The following NCAM2 variants were observed in gnomAD, a reference collection of about 807,000 sequenced individuals.
The protein encoded by NCAM2 is N-CAM-2.
Under a neutral mutation model 98.1 loss-of-function variants are expected in NCAM2, and 30 were observed. That is an observed-to-expected ratio of 0.31 (90% CI 0.23 to 0.41). NCAM2 has a LOEUF of 0.41. NCAM2 is among the 10% of genes least tolerant of loss of function. The probability of loss-of-function intolerance (pLI) is 1.00; values close to 1 mark genes in which losing one functional copy is unlikely to be tolerated. For synonymous variants in NCAM2, 368 were observed against 342.4 expected (o/e 1.07, Z -0.83); for missense variants, 867 against 1,005.8 (o/e 0.86, Z 1.87).
At chr21:21,419,770 C>T (rs1047272158) in intron 11 of NCAM2, among the ~76,000 whole-genome samples, 2 of 152,000 alleles carry the variant, frequency 1.3e-5, no homozygotes, top group Non-Finnish European at 2.9e-5. Context: ...TTGCTGGACA[C>T]TTGGGTTGGT....
intron 1 of NCAM2, among the ~76,000 whole-genome samples, chr21:21,003,741 T>C (rs529677710): frequency 7.6e-4 from 116 of 152,322 alleles, no homozygotes; most frequent in African/African-American, 2.7e-3. Context: ...ACTTAAGTTA[T>C]TGATAAGGGC....
intron 5 of NCAM2, among the ~76,000 whole-genome samples, chr21:21,295,970 C>T (rs994446954): frequency 1.3e-5 from 2 of 151,772 alleles, no homozygotes; most frequent in South Asian, 2.1e-4. Flanking sequence ...AAATTTTTGT[C>T]ACCTTATTGA....
chr21:21,474,978 C>CTA (rs1984971157), intron 14 of NCAM2, among the ~76,000 whole-genome samples: 1 of 149,600 alleles, frequency 6.7e-6, no homozygotes, highest in African/African-American at 2.5e-5. Flanking sequence ...CTATGTAGGT[C>CTA]TATATATATA....
chr21:21,219,613 G>A (rs1434305479), intron 1 of NCAM2, among the ~76,000 whole-genome samples: 1 of 152,172 alleles, frequency 6.6e-6, no homozygotes, highest in African/African-American at 2.4e-5. Context: ...ATACTGCATA[G>A]TACTTGATAT....
intron 1 of NCAM2, among the ~76,000 whole-genome samples, chr21:21,096,654 G>T (rs998207177): frequency 2.0e-5 from 3 of 151,488 alleles, no homozygotes; most frequent in African/African-American, 7.3e-5. Flanking sequence ...TTGTTCGATG[G>T]TTATGTATCT....
intron 1 of NCAM2, among the ~76,000 whole-genome samples, chr21:21,196,926 C>T (rs926353842): frequency 2.6e-5 from 4 of 152,026 alleles, no homozygotes; most frequent in African/African-American, 7.2e-5. Flanking sequence ...TGGGAGATCT[C>T]GTTGTTTAAA....
chr21:21,306,142 T>TA (rs1053900627), intron 5 of NCAM2, among the ~76,000 whole-genome samples: 1 of 152,162 alleles, frequency 6.6e-6, no homozygotes, highest in Non-Finnish European at 1.5e-5. Flanking sequence ...CTGATGCACT[T>TA]AAAAAGAATG....
chr21:21,171,687 G>T (rs1436555658), intron 1 of NCAM2, among the ~76,000 whole-genome samples: 1 of 152,140 alleles, frequency 6.6e-6, no homozygotes, highest in African/African-American at 2.4e-5. Flanking sequence ...TGACAAGATT[G>T]GTGGGCAAAG....
chr21:21,403,159 AT>A (rs755559693), intron 9 of NCAM2, among the ~76,000 whole-genome samples: 4 of 151,816 alleles, frequency 2.6e-5, no homozygotes, highest in Non-Finnish European at 4.4e-5. Flanking sequence ...TTTTTTTGCT[AT>A]TGAATTTTCT....
chr21:21,283,204 T>C (rs1175796254), intron 2 of NCAM2, among the ~76,000 whole-genome samples: 1 of 151,978 alleles, frequency 6.6e-6, no homozygotes, highest in Non-Finnish European at 1.5e-5. Flanking sequence ...TAATTTCTTA[T>C]AGAAAGGAGG....
chr21:21,215,289 G>T (rs1379908948), intron 1 of NCAM2, among the ~76,000 whole-genome samples: 1 of 152,112 alleles, frequency 6.6e-6, no homozygotes, highest in African/African-American at 2.4e-5. Flanking sequence ...AATGCTGTAT[G>T]GAACACAGTC....
intron 1 of NCAM2, among the ~76,000 whole-genome samples, chr21:21,080,505 A>G (rs1033729796): frequency 9.9e-5 from 15 of 151,852 alleles, no homozygotes; most frequent in African/African-American, 3.6e-4. Flanking sequence ...AATCCCAGCT[A>G]CTTGGGAAGC....
chr21:21,344,177 A>G (rs1273044718), intron 8 of NCAM2, among the ~76,000 whole-genome samples: 1 of 152,200 alleles, frequency 6.6e-6, no homozygotes, highest in Non-Finnish European at 1.5e-5. Flanking sequence ...GAAAGGACCC[A>G]GTCCTGGCAG....
intron 1 of NCAM2, among the ~76,000 whole-genome samples, chr21:21,187,408 T>G (rs2826725): frequency 0.32 from 48,048 of 151,782 alleles, 8,832 homozygotes; most frequent in Non-Finnish European, 0.43. Context: ...CTGGTGAGTT[T>G]TAGCCTCCAA....
chr21:21,529,210 C>CTATA (rs1474688612), intron 16 of NCAM2, among the ~76,000 whole-genome samples: 2 of 151,978 alleles, frequency 1.3e-5, no homozygotes, highest in African/African-American at 4.8e-5. Flanking sequence ...TGAATACCCG[C>CTATA]TCCTCAATTT....
chr21:21,372,682 A>G (rs1421902391), intron 8 of NCAM2, among the ~76,000 whole-genome samples: 1 of 151,884 alleles, frequency 6.6e-6, no homozygotes, highest in Non-Finnish European at 1.5e-5. Flanking sequence ...GTGCATCATT[A>G]CAGAGCCAGT....
At position 21,534,647 on chromosome 21, in the gene NCAM2, C is replaced by A; in HGVS notation, c.2393C>A (p.Thr798Lys). The A allele has an allele frequency of 6.2e-7, 1 of 1,608,714 alleles. No individual in the cohort carries two copies. Among genetic ancestry groups the A allele is most frequent in the Non-Finnish European group, 8.5e-7 (1 of 1,177,668 alleles). ...GAGCCAAATGAAACCACACCACTGA[C>A]AGAACCTGAGTATGTGGCTTGGAGT... ...VNEPNETTPL[T>K]EPEKLPLKEE... The change falls in exon 17 of 18, where the codon ACA becomes AAA. Residue 798 changes from threonine (T) to lysine (K), a missense_variant. Around this residue, in one of 5 missense-constraint regions of NCAM2, gnomAD observed 125 missense variants for 116.1 expected, o/e 1.08. Coordinates refer to ENST00000400546, the MANE Select transcript of NCAM2 (RefSeq NM_004540.5).
At position 21,538,428 on chromosome 21, in the gene NCAM2, T is replaced by G. The variant is rs1471308867; in HGVS notation, c.*471T>G. 1 of 152,612 alleles carries G rather than the reference T, an allele frequency of 6.6e-6. No individual in the cohort carries two copies. Among genetic ancestry groups the G allele is most frequent in the Non-Finnish European group, 1.5e-5 (1 of 68,038 alleles). 9.5% of individuals were successfully genotyped at this position (152,612 alleles called of 1,614,324 possible). On this transcript the variant is annotated 3_prime_UTR_variant, in exon 18 of 18. Coordinates refer to ENST00000400546, the MANE Select transcript of NCAM2 (RefSeq NM_004540.5). ...TCAAGATGAAGGAGCTTAATAATGG[T>G]TACTCATTTTATCAGGGGAATTTCA...
At chr21:21,375,797 G>A (rs983932340) in intron 9 of NCAM2, among the ~76,000 whole-genome samples, 2 of 150,242 alleles carry the variant, frequency 1.3e-5, no homozygotes, top group African/African-American at 4.9e-5. Context: ...AGACCTCCTG[G>A]CCTCTTCCAC....
Sources: allele counts gnomAD v4.1 joint callset (sites outside exome capture counted in the v4.1 genomes callset), GRCh38; gene constraint gnomAD v4.1.1; regional missense constraint gnomAD v4.1.1; transcripts MANE v1.5; gene names NCBI Gene and HGNC (gene_info 2026-07-23, HGNC 2026-07-21).